Variants in FBXL8 observed in about 807,000 individuals in gnomAD.
FBXL8 encodes F-box and leucine rich repeat protein 8.
In FBXL8, 13 loss-of-function variants were observed where a neutral mutation model predicts 8.2. The observed-to-expected ratio is 1.58, with a 90% confidence interval of 1.03 to 2.51. The LOEUF is 2.51. FBXL8 is among the 30% of genes most tolerant of loss of function. The pLI, the probability that FBXL8 is intolerant of heterozygous loss-of-function variation, is 0.00. For synonymous variants in FBXL8, 271 were observed against 260.5 expected (o/e 1.04, Z -0.39); for missense variants, 565 against 540.4 (o/e 1.05, Z -0.45).
At chr16:67,160,959 G>A (rs1448442053) in intron 1 of FBXL8, among the ~76,000 whole-genome samples, 1 of 152,040 alleles carries the variant, frequency 6.6e-6, no homozygotes, top group Non-Finnish European at 1.5e-5. Context: ...GTCTTAGGAA[G>A]CACCCGGGAC....
At chr16:67,161,993 G>A in intron 2 of FBXL8, 56 bp downstream of exon 2, 1 of 1,513,198 alleles carries the variant, frequency 6.6e-7, no homozygotes, top group Non-Finnish European at 8.8e-7. Context: ...TCTCCGTGGA[G>A]TCGTGGGCTA....
In FBXL8 at chr16:67,164,001, T is replaced by G. The variant is rs1228662015; in HGVS notation, c.*181T>G. The G allele has an allele frequency of 1.2e-6, 1 of 865,232 alleles. No individual in the cohort carries two copies. Among genetic ancestry groups the G allele is most frequent in the Non-Finnish European group, 1.9e-6 (1 of 535,954 alleles). The allele number at this position is 865,232 out of a possible 1,614,324, so 53.6% of individuals were successfully genotyped here. ...TCCTGGGCGCCCTGAGACCACTCGCTGCTCTCACCCTCTGCAGACGCCCCA... is the reference window on the plus strand; with the variant it reads ...TCCTGGGCGCCCTGAGACCACTCGCGGCTCTCACCCTCTGCAGACGCCCCA... On this transcript the variant is annotated 3_prime_UTR_variant, in exon 3 of 3. Coordinates refer to ENST00000258200, the MANE Select transcript of FBXL8 (RefSeq NM_018378.3).
At position 67,161,889 on chromosome 16, in the gene FBXL8, G is replaced by C; in HGVS notation, c.104G>C (p.Trp35Ser). 6.2e-7 allele frequency: 1 copy of C among 1,611,064 alleles called. No individual in the cohort carries two copies. Among genetic ancestry groups the C allele is most frequent in the Non-Finnish European group, 8.5e-7 (1 of 1,179,116 alleles). Residue 35 changes from tryptophan (W) to serine (S), a missense_variant, in exon 2 of 3, where the codon TGG becomes TCG. Transcript: ENST00000258200. ...RAAAARVCRA[W>S]AAAATCSAVW... The stretch of plus-strand genomic sequence containing the variant: ...GCCGCCGCCAGGGTCTGCAGGGCCT[G>C]GGCCGCCGCTGCTACCTGCAGCGCC...
Position 67,163,046 on chromosome 16 carries a change from C to T in FBXL8, c.351C>T (p.Phe117=). ...RLECRGEKPL[F]DAGRDVLEAV... is the part of the protein sequence containing the mutation. ...AGTGCCGCGGAGAAAAACCGCTCTTCGACGCGGGCCGCGACGTCCTGGAGG... is the reference window on the plus strand; with the variant it reads ...AGTGCCGCGGAGAAAAACCGCTCTTTGACGCGGGCCGCGACGTCCTGGAGG... Residue 117 remains phenylalanine, a synonymous_variant, in exon 3 of 3, where the codon TTC becomes TTT. Transcript: ENST00000258200. 1 of 1,566,598 alleles carries T rather than the reference C, an allele frequency of 6.4e-7. No homozygotes were observed. The highest frequency in any genetic ancestry group is 8.7e-7 in the Non-Finnish European group (1 of 1,155,404).
chr16:67,163,230 G>A lies in FBXL8; in HGVS notation c.535G>A (p.Gly179Ser). ...LDNSTLVGSV[G>S]PGSVLELLEA... ...CAACAGTACCCTAGTGGGCAGCGTG[G>A]GTCCCGGCTCAGTGCTCGAGCTACT... is the stretch of plus-strand genomic sequence containing the variant. Residue 179 changes from glycine to serine, a missense_variant, in exon 3 of 3, where the codon GGT becomes AGT. Transcript: ENST00000258200. The A allele has an allele frequency of 6.4e-7, 1 of 1,566,766 alleles. No homozygotes were observed. The highest frequency in any genetic ancestry group is 8.6e-7 in the Non-Finnish European group (1 of 1,156,824).
chr16:67,161,565 T>C (rs1026330070), intron 1 of FBXL8, 170 bp from the exon 2 acceptor site: 1 of 470,416 alleles, frequency 2.1e-6, no homozygotes, highest in African/African-American at 2.0e-5. Context: ...CCTGATTTAG[T>C]AGGTGAGGCG....
intron 2 of FBXL8, 33 bp from the exon 3 acceptor site, chr16:67,162,815 G>A: frequency 6.5e-7 from 1 of 1,549,362 alleles, no homozygotes; most frequent in Non-Finnish European, 8.7e-7. Context: ...CAGGGACTCA[G>A]CTGAGGCCTT....
intron 1 of FBXL8, 128 bp from the exon 2 acceptor site, chr16:67,161,607 T>C: frequency 3.1e-6 from 2 of 642,676 alleles, no homozygotes; most frequent in Non-Finnish European, 4.9e-6. Flanking sequence ...AGTTTCGGGG[T>C]TATCTGATGC....
intron 1 of FBXL8, 186 bp from the exon 2 acceptor site, chr16:67,161,549 G>A (rs13312720): frequency 0.023 from 10,274 of 447,764 alleles, 643 homozygotes; most frequent in African/African-American, 0.15. Context: ...TACCCTTTCC[G>A]GAGAGCCTGA....
intron 2 of FBXL8, chr16:67,162,189 C>A (rs1404170240): frequency 2.4e-6 from 1 of 415,426 alleles, no homozygotes; most frequent in Non-Finnish European, 4.3e-6. Flanking sequence ...ACTAGCCGGG[C>A]ATGGTGGTGG....
intron 1 of FBXL8, chr16:67,161,010 C>A (rs979819544): frequency 6.5e-6 from 1 of 153,256 alleles, no homozygotes; most frequent in Non-Finnish European, 1.5e-5. Context: ...AGCCTCCCCT[C>A]CAGGGGTGGA....
intron 2 of FBXL8, chr16:67,162,254 G>C (rs1567665512): frequency 2.6e-6 from 1 of 390,510 alleles, no homozygotes; most frequent in Admixed American, 4.1e-5. Context: ...GCTTGAACCC[G>C]GGAGGCAAAG....
Position 67,163,352 on chromosome 16 carries a change from C to T in FBXL8, c.657C>T (p.Phe219=), listed in dbSNP as rs560299174. The change falls in exon 3 of 3, where the codon TTC becomes TTT. Residue 219 remains phenylalanine (F), a synonymous_variant. Transcript: ENST00000258200. The part of the protein sequence containing the change: ...EALAAPDRAP[F]ALLALRCACP... ...TGGCGGCGCCAGACCGAGCGCCTTT[C>T]GCGCTCTTGGCTCTGCGGTGCGCGT... 2 of 1,554,674 alleles carry T rather than the reference C, an allele frequency of 1.3e-6. No individual in the cohort carries two copies. The highest frequency in any genetic ancestry group is 1.7e-6 in the Non-Finnish European group (2 of 1,154,752).
At position 67,164,106 on chromosome 16, in the gene FBXL8, A is replaced by AG. The variant is rs1463617583; in HGVS notation, c.*289dup. ...CTCTGCAGCTCCGCGGCCCCGGCGC[A>AG]GGGAGAGGGAGGGCACGGGCGCGGG... is the stretch of plus-strand genomic sequence containing the variant. On this transcript the variant is annotated 3_prime_UTR_variant, in exon 3 of 3. Transcript: ENST00000258200. 4.4e-6 allele frequency: 3 copies of AG among 675,092 alleles called. No individual in the cohort carries two copies. The highest frequency in any genetic ancestry group is 2.9e-5 in the East Asian group (1 of 35,028). 41.8% of individuals were successfully genotyped at this position (675,092 alleles called of 1,614,324 possible). A position where few individuals can be genotyped will look rare whatever the true frequency, so the allele number is the denominator to read the frequency against.
chr16:67,163,701 T>C lies in FBXL8; in HGVS notation c.1006T>C (p.Phe336Leu). 6.3e-7 allele frequency: 1 copy of C among 1,593,104 alleles called. No homozygotes were observed. The highest frequency in any genetic ancestry group is 8.5e-7 in the Non-Finnish European group (1 of 1,177,236). Residue 336 changes from phenylalanine to leucine, a missense_variant, in exon 3 of 3, where the codon TTC becomes CTC. Phe to Leu is a conservative substitution (Grantham distance 22). Transcript: ENST00000258200. Reference protein sequence around the residue: ...RCAALREVHCFCVVSHSVLDA... With the variant: ...RCAALREVHCLCVVSHSVLDA... ...CGCGGCCCTGCGCGAGGTGCATTGT[T>C]TCTGCGTGGTGAGCCACTCGGTGCT...
chr16:67,162,795 C>T, intron 2 of FBXL8, 53 bp from the exon 3 acceptor site: 1 of 1,548,216 alleles, frequency 6.5e-7, no homozygotes. Flanking sequence ...AGAGGCTTCT[C>T]CGCTGGTCGC....
chr16:67,163,739 C>A lies in FBXL8; in HGVS notation c.1044C>A (p.Arg348=). 6.3e-7 allele frequency: 1 copy of A among 1,593,022 alleles called. No homozygotes were observed. Among genetic ancestry groups the A allele is most frequent in the Non-Finnish European group, 8.5e-7 (1 of 1,177,148 alleles). Residue 348 remains arginine (R), a synonymous_variant, in exon 3 of 3, where the codon CGC becomes CGA. Coordinates refer to ENST00000258200, the MANE Select transcript of FBXL8 (RefSeq NM_018378.3). ...VVSHSVLDAF[R]AHCPRLRTYT... is the part of the protein sequence containing the mutation. ...GCCACTCGGTGCTGGACGCCTTCCGCGCGCACTGCCCGCGCCTGCGCACCT... is the reference window on the plus strand; with the variant it reads ...GCCACTCGGTGCTGGACGCCTTCCGAGCGCACTGCCCGCGCCTGCGCACCT...
chr16:67,162,977 G>A lies in FBXL8; in HGVS notation c.282G>A (p.Met94Ile), dbSNP rs865967857. 6.4e-7 allele frequency: 1 copy of A among 1,559,454 alleles called. No individual in the cohort carries two copies. Among genetic ancestry groups the A allele is most frequent in the Non-Finnish European group, 8.7e-7 (1 of 1,151,852 alleles). The change falls in exon 3 of 3, where the codon ATG (methionine) becomes ATA (isoleucine). Residue 94 changes from methionine (M) to isoleucine (I), a missense_variant. Physicochemically the swap from Met to Ile is conservative, Grantham distance 10. Transcript: ENST00000258200. ...GCCGGGCGGCCATCGAGCTGCTGATGGTTCTGGCGGGCCGTGCCCCGGGGC... is the reference window on the plus strand; with the variant it reads ...GCCGGGCGGCCATCGAGCTGCTGATAGTTCTGGCGGGCCGTGCCCCGGGGC... ...PSRRAAIELL[M>I]VLAGRAPGLR...
Position 67,163,126 on chromosome 16 carries a change from G to C in FBXL8, c.431G>C (p.Arg144Pro). 1 of 1,575,904 alleles carries C rather than the reference G, an allele frequency of 6.3e-7. No individual in the cohort carries two copies. The highest frequency in any genetic ancestry group is 8.6e-7 in the Non-Finnish European group (1 of 1,161,818). ...CAGCTACGCCACCTCGACCTGCGGCGCTTGTCCTTCACACTGGACGACGCG... is the reference window on the plus strand; with the variant it reads ...CAGCTACGCCACCTCGACCTGCGGCCCTTGTCCTTCACACTGGACGACGCG... Reference protein sequence around the residue: ...ASQLRHLDLRRLSFTLDDALV... With the variant: ...ASQLRHLDLRPLSFTLDDALV... The change falls in exon 3 of 3, where the codon CGC becomes CCC. Residue 144 changes from arginine to proline, a missense_variant. Coordinates refer to ENST00000258200, the MANE Select transcript of FBXL8 (RefSeq NM_018378.3).
Sources: gnomAD v4.1 joint callset for allele counts (sites outside exome capture counted in the v4.1 genomes callset) on GRCh38, gnomAD v4.1.1 for gene constraint, MANE v1.5 for transcripts, NCBI Gene and HGNC (gene_info 2026-07-23, HGNC 2026-07-21) for gene names.